The following HERPUD2 variants were observed in gnomAD, a reference collection of about 807,000 sequenced individuals.
The protein encoded by HERPUD2 is HERPUD family member 2, also known as homocysteine-responsive endoplasmic reticulum-resident ubiquitin-like domain member 2 protein.
In HERPUD2, 13 loss-of-function variants were observed where a neutral mutation model predicts 49.9. That is an observed-to-expected ratio of 0.26 (90% confidence interval 0.17 to 0.41). The LOEUF is 0.41. Among genes scored for constraint, HERPUD2 ranks in the 10% least tolerant of loss-of-function variants. The probability of loss-of-function intolerance (pLI) is 1.00; values close to 1 mark genes in which losing one functional copy is unlikely to be tolerated. For missense variants in HERPUD2, 449 were observed against 492.2 expected (o/e 0.91, Z 0.83); for synonymous variants, 172 against 171.4 (o/e 1.00, Z -0.03).
chr7:35,656,252 T>C (rs1172513026), intron 5 of HERPUD2, among the ~76,000 whole-genome samples: 2 of 151,974 alleles, frequency 1.3e-5, no homozygotes, highest in Non-Finnish European at 2.9e-5. Flanking sequence ...ATAAAATACT[T>C]AGGAATAAAT....
intron 2 of HERPUD2, among the ~76,000 whole-genome samples, chr7:35,686,289 T>C (rs1185517612): frequency 2.9e-4 from 11 of 37,390 alleles, no homozygotes; most frequent in East Asian, 8.9e-4. Flanking sequence ...CCCAGGTTCA[T>C]GCCATTCTCC....
At chr7:35,657,042 A>G (rs1188566039) in intron 5 of HERPUD2, among the ~76,000 whole-genome samples, 2 of 152,236 alleles carry the variant, frequency 1.3e-5, no homozygotes, top group African/African-American at 4.8e-5. Context: ...AAGCATAGCA[A>G]ATGAAGCAAT....
chr7:35,661,584 G>C (rs574364997), intron 5 of HERPUD2, among the ~76,000 whole-genome samples: 98 of 152,144 alleles, frequency 6.4e-4, no homozygotes, highest in Middle Eastern at 6.8e-3. Flanking sequence ...TGAAGAGGTC[G>C]TTCACATCCC....
At chr7:35,652,047 TC>T (rs1378591891) in intron 5 of HERPUD2, among the ~76,000 whole-genome samples, 3 of 152,150 alleles carry the variant, frequency 2.0e-5, no homozygotes, top group African/African-American at 2.4e-5. Context: ...TAATCAAACC[TC>T]CCTAGTATCT....
intron 2 of HERPUD2, among the ~76,000 whole-genome samples, chr7:35,686,732 A>C (rs1235439985): frequency 9.1e-6 from 1 of 109,760 alleles, no homozygotes; most frequent in African/African-American, 3.9e-5. Flanking sequence ...AAAAAAAAAA[A>C]AAAAAAAAAA....
At chr7:35,653,013 G>T (rs1215716673) in intron 5 of HERPUD2, among the ~76,000 whole-genome samples, 1 of 151,448 alleles carries the variant, frequency 6.6e-6, no homozygotes. Flanking sequence ...ATGAGAGAAA[G>T]AAAGGAAGAA....
chr7:35,674,436 GA>G (rs1562682873), intron 2 of HERPUD2, among the ~76,000 whole-genome samples: 5 of 131,382 alleles, frequency 3.8e-5, no homozygotes, highest in Admixed American at 7.9e-5. Context: ...GAGAGAGAGA[GA>G]GAGAGAGAGA....
intron 5 of HERPUD2, among the ~76,000 whole-genome samples, chr7:35,645,263 T>C (rs538165702): frequency 5.6e-4 from 85 of 152,294 alleles, no homozygotes; most frequent in Non-Finnish European, 1.0e-3. Flanking sequence ...CATTAAATTA[T>C]AGTAATCTGT....
chr7:35,640,948 T>G (rs145626987), intron 5 of HERPUD2, among the ~76,000 whole-genome samples: 1 of 152,020 alleles, frequency 6.6e-6, no homozygotes, highest in Non-Finnish European at 1.5e-5. Context: ...AAACCACAGA[T>G]AGCCTAGAAG....
intron 5 of HERPUD2, among the ~76,000 whole-genome samples, chr7:35,663,388 A>G (rs1208773171): frequency 4.6e-5 from 7 of 152,060 alleles, no homozygotes; most frequent in Non-Finnish European, 1.5e-5. Flanking sequence ...GTTGTTTTGG[A>G]GTGGAGAGTT....
intron 5 of HERPUD2, among the ~76,000 whole-genome samples, chr7:35,661,389 A>T (rs1243661373): frequency 6.6e-6 from 1 of 152,092 alleles, no homozygotes; most frequent in Non-Finnish European, 1.5e-5. Context: ...TATGAACTTT[A>T]GTTTTTTCCA....
intron 5 of HERPUD2, among the ~76,000 whole-genome samples, chr7:35,640,249 T>C (rs1299020362): frequency 6.6e-6 from 1 of 152,206 alleles, no homozygotes; most frequent in Non-Finnish European, 1.5e-5. Context: ...AGATGTATAT[T>C]TTAAATTTTA....
At chr7:35,653,939 G>A (rs1386467855) in intron 5 of HERPUD2, among the ~76,000 whole-genome samples, 1 of 152,136 alleles carries the variant, frequency 6.6e-6, no homozygotes, top group Non-Finnish European at 1.5e-5. Flanking sequence ...GTTCTGCAGT[G>A]AGCTAGGATC....
intron 2 of HERPUD2, among the ~76,000 whole-genome samples, chr7:35,691,774 T>C (rs1786194382): frequency 6.6e-6 from 1 of 152,202 alleles, no homozygotes; most frequent in Non-Finnish European, 1.5e-5. Context: ...ATAATGACCT[T>C]ACAAAGTAAA....
intron 5 of HERPUD2, among the ~76,000 whole-genome samples, chr7:35,661,277 T>C (rs1372898661): frequency 6.6e-6 from 1 of 152,246 alleles, no homozygotes; most frequent in Non-Finnish European, 1.5e-5. Flanking sequence ...TTTTGGTTAC[T>C]GTAGCCTTGT....
At chr7:35,690,732 G>A (rs1786163133) in intron 2 of HERPUD2, among the ~76,000 whole-genome samples, 1 of 152,042 alleles carries the variant, frequency 6.6e-6, no homozygotes, top group African/African-American at 2.4e-5. Context: ...TTGCTTGAAG[G>A]CGGGAGGCAG....
At chr7:35,651,062 G>A (rs1015675744) in intron 5 of HERPUD2, among the ~76,000 whole-genome samples, 4 of 152,172 alleles carry the variant, frequency 2.6e-5, no homozygotes, top group African/African-American at 9.7e-5. Flanking sequence ...CCATGTGCAT[G>A]CACTACCTGT....
rs763433248 is a variant in HERPUD2, at chr7:35,673,295, A to G, written c.148-17T>C. ...CTTCGTCAACTAAGAAATGGGACAA[A>G]GAAAAGAATTCAACTTTTCTAATTA... On this transcript the variant is annotated splice_polypyrimidine_tract_variant and intron_variant, in intron 2 of 8. Coordinates refer to ENST00000311350, the MANE Select transcript of HERPUD2 (RefSeq NM_022373.5). 4 of 1,590,372 alleles carry G rather than the reference A, an allele frequency of 2.5e-6. No individual in the cohort carries two copies. In the African/African-American group the frequency reaches 5.4e-5, roughly 21 times the overall value.
chr7:35,663,531 G>T (rs1350089816), intron 5 of HERPUD2, among the ~76,000 whole-genome samples: 1 of 152,156 alleles, frequency 6.6e-6, no homozygotes, highest in Non-Finnish European at 1.5e-5. Context: ...TATTGCGTGG[G>T]AGTCTAAGTC....
Sources: allele counts gnomAD v4.1 joint callset (sites outside exome capture counted in the v4.1 genomes callset), GRCh38; gene constraint gnomAD v4.1.1; transcripts MANE v1.5; gene names NCBI Gene and HGNC (gene_info 2026-07-23, HGNC 2026-07-21).